PBX3: variants seen among roughly 807,000 people sequenced by gnomAD.
PBX3 encodes the protein pre-B-cell leukemia transcription factor 3.
In PBX3, 14 loss-of-function variants were observed where a neutral mutation model predicts 48.5. The ratio of observed to expected loss-of-function variants is 0.29; its 90% CI spans 0.19 to 0.45. PBX3 has a LOEUF of 0.45. Ranked by LOEUF, PBX3 falls within the 20% of genes least tolerant of loss-of-function variation. PBX3 has a pLI of 1.00. For missense variants in PBX3, 386 were observed against 546.7 expected (o/e 0.71, Z 2.93); for synonymous variants, 210 against 200.3 (o/e 1.05, Z -0.41).
chr9:125,916,493 T>C (rs1215344108), intron 3 of PBX3, among the ~76,000 whole-genome samples: 2 of 152,354 alleles, frequency 1.3e-5, no homozygotes, highest in South Asian at 4.1e-4. Context: ...CAAGGCATTA[T>C]GTGCTAAATT....
chr9:125,787,936 T>G (rs1002826941), intron 2 of PBX3, among the ~76,000 whole-genome samples: 1 of 152,126 alleles, frequency 6.6e-6, no homozygotes, highest in African/African-American at 2.4e-5. Flanking sequence ...CATTGGTGAT[T>G]TATTTATTTT....
intron 2 of PBX3, among the ~76,000 whole-genome samples, chr9:125,821,538 G>C (rs1838653155): frequency 7.9e-5 from 12 of 152,096 alleles, no homozygotes; most frequent in Admixed American, 7.2e-4. Flanking sequence ...TAACTAACTT[G>C]TTGGTAGTAT....
chr9:125,748,348 T>A (rs1836265466), intron 1 of PBX3: 1 of 1,294,646 alleles, frequency 7.7e-7, no homozygotes, highest in Non-Finnish European at 9.9e-7. Context: ...TGGGTCCGCC[T>A]TGTTCCGGCT....
At chr9:125,814,444 A>G (rs1041733476) in intron 2 of PBX3, among the ~76,000 whole-genome samples, 2 of 152,208 alleles carry the variant, frequency 1.3e-5, no homozygotes, top group African/African-American at 2.4e-5. Flanking sequence ...TGAGTGCCGT[A>G]AGTGCTGTGA....
chr9:125,842,356 A>AT (rs1272299152), intron 2 of PBX3, among the ~76,000 whole-genome samples: 1 of 152,164 alleles, frequency 6.6e-6, no homozygotes, highest in Admixed American at 6.6e-5. Flanking sequence ...TGTAAAACAC[A>AT]TTCATGTTGA....
rs1326810686 is a variant in PBX3, at chr9:125,793,080, C to T, written c.274+44457C>T. Among the ~76,000 whole-genome samples the T allele has an allele frequency of 5.3e-5, 8 of 151,686 alleles. No individual in the cohort carries two copies. In the South Asian group the frequency reaches 8.4e-4, roughly 16 times the overall value. On this transcript the variant is annotated intron_variant, in intron 2 of 8. Transcript: ENST00000373489. Reference sequence around the variant, plus strand: ...TTTAAAAAAATATATTGGCCAGGTACGGTGGCTCATGCCTGTAATCCCAGC... The same window carrying T: ...TTTAAAAAAATATATTGGCCAGGTATGGTGGCTCATGCCTGTAATCCCAGC...
chr9:125,895,083 A>T (rs1319429124), intron 2 of PBX3, among the ~76,000 whole-genome samples: 1 of 152,140 alleles, frequency 6.6e-6, no homozygotes, highest in East Asian at 1.9e-4. Flanking sequence ...TATAATTCAG[A>T]GAAAATTTTG....
intron 2 of PBX3, among the ~76,000 whole-genome samples, chr9:125,751,827 T>C (rs976741389): frequency 6.6e-6 from 1 of 152,208 alleles, no homozygotes. Context: ...CCTGCATACC[T>C]CTTTTGGTGT....
At chr9:125,899,236 T>A (rs1840853033) in intron 2 of PBX3, among the ~76,000 whole-genome samples, 1 of 136,318 alleles carries the variant, frequency 7.3e-6, no homozygotes, top group African/African-American at 2.6e-5. Context: ...TATTTATATA[T>A]AAATATACAT....
chr9:125,882,417 G>A lies in PBX3; in HGVS notation c.275-33269G>A, dbSNP rs1444986790. The stretch of plus-strand genomic sequence containing the variant: ...CTCATTACTTGAGACGGCAGTAGAC[G>A]TTAAATATATAAAAGCTGAGCTGCT... On this transcript the variant is annotated intron_variant, in intron 2 of 8. Transcript: ENST00000373489. Among the ~76,000 whole-genome samples the A allele has an allele frequency of 3.9e-5, 6 of 152,188 alleles. No homozygotes were observed. The South Asian group carries it at 1.0e-3, about 26-fold the overall frequency.
intron 2 of PBX3, among the ~76,000 whole-genome samples, chr9:125,884,503 G>A (rs190344002): frequency 6.6e-6 from 1 of 152,164 alleles, no homozygotes; most frequent in South Asian, 2.1e-4. Context: ...TAGAAACTGA[G>A]AGAATTTCAA....
At chr9:125,807,906 A>G (rs1838174226) in intron 2 of PBX3, among the ~76,000 whole-genome samples, 1 of 152,226 alleles carries the variant, frequency 6.6e-6, no homozygotes, top group African/African-American at 2.4e-5. Flanking sequence ...AATACATTTT[A>G]ACTCTAGTGT....
chr9:125,867,654 A>C (rs1416242475), intron 2 of PBX3, among the ~76,000 whole-genome samples: 1 of 150,722 alleles, frequency 6.6e-6, no homozygotes, highest in East Asian at 1.9e-4. Flanking sequence ...AAAAAAAAAA[A>C]AAACCACAAA....
chr9:125,892,295 T>G (rs1840666538), intron 2 of PBX3, among the ~76,000 whole-genome samples: 1 of 152,190 alleles, frequency 6.6e-6, no homozygotes, highest in Admixed American at 6.5e-5. Flanking sequence ...CAGAACAGTT[T>G]GTATCGTAAT....
At position 125,958,473 on chromosome 9, in the gene PBX3, G is replaced by T. The variant is rs570880547; in HGVS notation, c.844-2211G>T. Among the ~76,000 whole-genome samples, 208 of 152,330 alleles carry T rather than the reference G, an allele frequency of 1.4e-3. 1 individual carries two copies. Among genetic ancestry groups the T allele is most frequent in the African/African-American group, 4.7e-3 (197 of 41,570 alleles). ...GGGCTGAGCCTGAAGGCCTAATGTT[G>T]TGATAGTCTAGATGTTGGAAGTAGG... On this transcript the variant is annotated intron_variant, in intron 5 of 8. Coordinates refer to ENST00000373489, the MANE Select transcript of PBX3 (RefSeq NM_006195.6).
At chr9:125,854,758 A>G (rs1477865599) in intron 2 of PBX3, among the ~76,000 whole-genome samples, 2 of 152,192 alleles carry the variant, frequency 1.3e-5, no homozygotes, top group Non-Finnish European at 2.9e-5. Context: ...ATTGTCATTT[A>G]GGACAATTGA....
chr9:125,902,823 A>G (rs879807368), intron 2 of PBX3, among the ~76,000 whole-genome samples: 2 of 151,782 alleles, frequency 1.3e-5, no homozygotes, highest in African/African-American at 4.8e-5. Context: ...GGCTTGTTCT[A>G]TGATGCAGCA....
At chr9:125,835,304 T>G (rs1296906752) in intron 2 of PBX3, among the ~76,000 whole-genome samples, 1 of 152,086 alleles carries the variant, frequency 6.6e-6, no homozygotes, top group Non-Finnish European at 1.5e-5. Flanking sequence ...ACACAGAGGT[T>G]AAGTGACCTG....
intron 2 of PBX3, among the ~76,000 whole-genome samples, chr9:125,795,013 A>G (rs1837736669): frequency 6.6e-6 from 1 of 152,262 alleles, no homozygotes; most frequent in African/African-American, 2.4e-5. Flanking sequence ...CCAGCCTTTT[A>G]CTAATGGTGG....
Sources: allele counts gnomAD v4.1 joint callset (sites outside exome capture counted in the v4.1 genomes callset), GRCh38; gene constraint gnomAD v4.1.1; transcripts MANE v1.5; gene names NCBI Gene and HGNC (gene_info 2026-07-23, HGNC 2026-07-21).